Variants in MYO5B observed in about 807,000 individuals in gnomAD.
MYO5B encodes the protein myosin VB, also known as unconventional myosin-Vb.
In MYO5B, 143 loss-of-function variants were observed where a neutral mutation model predicts 229.3. The ratio of observed to expected loss-of-function variants is 0.62; its 90% CI spans 0.54 to 0.72. The LOEUF (loss-of-function observed/expected upper bound fraction) is 0.72, where lower values mean the gene tolerates loss of function less well. Ranked by LOEUF, MYO5B falls within the 30% of genes least tolerant of loss-of-function variation. MYO5B has a pLI of 0.00. For missense variants in MYO5B, 2,321 were observed against 2,331.0 expected, an observed-to-expected ratio of 1.00 and a Z score of 0.09; for synonymous variants, 918 against 885.2, an observed-to-expected ratio of 1.04 and a Z score of -0.66.
intron 1 of MYO5B, among the ~76,000 whole-genome samples, chr18:50,154,185 AAAG>A (rs1276680446): frequency 2.6e-5 from 4 of 152,310 alleles, no homozygotes; most frequent in South Asian, 2.1e-4. Flanking sequence ...TCTGAGAAAG[AAAG>A]AAGGATTGGA....
intron 1 of MYO5B, among the ~76,000 whole-genome samples, chr18:50,061,080 C>T (rs1432212249): frequency 1.3e-5 from 2 of 152,232 alleles, no homozygotes; most frequent in African/African-American, 4.8e-5. Context: ...CCAAAGAGCC[C>T]CAGCTAAAAT....
Position 49,837,759 on chromosome 18 carries a change from A to C in MYO5B, c.4896T>G (p.Gly1632=). 2 of 1,614,200 alleles carry C rather than the reference A, an allele frequency of 1.2e-6. No individual in the cohort carries two copies. Among genetic ancestry groups the C allele is most frequent in the Non-Finnish European group, 1.7e-6 (2 of 1,180,024 alleles). ...GCTTCCGGTAGCCGGTGGGCTTCACACCAGATAGACCCTGAATGCTCTCAT... is the reference window on the plus strand; with the variant it reads ...GCTTCCGGTAGCCGGTGGGCTTCACCCCAGATAGACCCTGAATGCTCTCAT... ...LENESIQGLS[G]VKPTGYRKRS... The change falls in exon 37 of 40, where the codon GGT becomes GGG. Residue 1632 remains glycine, a synonymous_variant. Coordinates refer to ENST00000285039, the MANE Select transcript of MYO5B (RefSeq NM_001080467.3).
At chr18:49,862,860 A>G (rs111497610) in intron 29 of MYO5B, among the ~76,000 whole-genome samples, 2,738 of 151,676 alleles carry the variant, frequency 0.018, 76 homozygotes, top group South Asian at 0.12. Context: ...ATTGCAGCAG[A>G]TGGCTAAGCA....
At chr18:49,951,772 T>C (rs1428798489) in intron 14 of MYO5B, among the ~76,000 whole-genome samples, 1 of 152,208 alleles carries the variant, frequency 6.6e-6, no homozygotes, top group Non-Finnish European at 1.5e-5. Context: ...CCCTATAAGT[T>C]GTCACAGGCC....
chr18:49,945,296 T>C (rs1345894232), intron 14 of MYO5B, among the ~76,000 whole-genome samples: 1 of 152,176 alleles, frequency 6.6e-6, no homozygotes, highest in Non-Finnish European at 1.5e-5. Flanking sequence ...CTCGCTCTTC[T>C]TTCCTCTAGG....
intron 1 of MYO5B, among the ~76,000 whole-genome samples, chr18:50,065,058 C>G (rs1332899473): frequency 1.3e-5 from 2 of 152,222 alleles, no homozygotes; most frequent in Non-Finnish European, 2.9e-5. Flanking sequence ...ATACTTGCAT[C>G]TGGGACTCAA....
chr18:50,100,499 G>A (rs750047006), intron 1 of MYO5B, among the ~76,000 whole-genome samples: 3 of 152,122 alleles, frequency 2.0e-5, no homozygotes, highest in Non-Finnish European at 2.9e-5. Context: ...AGTGAGAAAC[G>A]GCCTGCATGG....
chr18:50,042,156 G>T (rs2030036834), intron 2 of MYO5B, among the ~76,000 whole-genome samples: 1 of 152,118 alleles, frequency 6.6e-6, no homozygotes, highest in African/African-American at 2.4e-5. Flanking sequence ...ACCTAAATCA[G>T]AATTTTTCAT....
At chr18:50,156,246 G>A (rs148353660) in intron 1 of MYO5B, among the ~76,000 whole-genome samples, 170 of 152,270 alleles carry the variant, frequency 1.1e-3, no homozygotes, top group African/African-American at 3.4e-3. Flanking sequence ...TACAGAACAA[G>A]TACAGTAAGA....
At chr18:49,956,478 CAG>C (rs1272958287) in intron 12 of MYO5B, among the ~76,000 whole-genome samples, 3 of 151,848 alleles carry the variant, frequency 2.0e-5, no homozygotes, top group Admixed American at 6.6e-5. Flanking sequence ...TGCCTGACGA[CAG>C]AGTTTTAAAG....
chr18:49,864,229 T>C lies in MYO5B; in HGVS notation c.3755A>G (p.Glu1252Gly). The stretch of plus-strand genomic sequence containing the variant: ...CTCCTCCTTGCGCACCTCGAGCTCC[T>C]CGTGGGCCAGCTTGAGCTGGTTCAG... Reference protein sequence around the residue: ...LLLNQLKLAHEELEVRKEEVL... With the variant: ...LLLNQLKLAHGELEVRKEEVL... Residue 1252 changes from glutamate to glycine, a missense_variant, in exon 28 of 40, where the codon GAG becomes GGG. Around this residue, in one of 2 missense-constraint regions of MYO5B, gnomAD observed 2,113 missense variants for 2,044.7 expected, o/e 1.03. Coordinates refer to ENST00000285039, the MANE Select transcript of MYO5B (RefSeq NM_001080467.3). 6.2e-7 allele frequency: 1 copy of C among 1,614,042 alleles called. No individual in the cohort carries two copies.
chr18:49,838,928 G>C (rs555380965), intron 36 of MYO5B, among the ~76,000 whole-genome samples: 21 of 152,304 alleles, frequency 1.4e-4, no homozygotes, highest in African/African-American at 5.1e-4. Flanking sequence ...AAGAGATAAA[G>C]GGAAAGTCAT....
intron 1 of MYO5B, among the ~76,000 whole-genome samples, chr18:50,085,593 C>T (rs1283893710): frequency 1.3e-5 from 2 of 152,156 alleles, no homozygotes; most frequent in African/African-American, 4.8e-5. Flanking sequence ...ATAAATCATG[C>T]TGCTATAAAG....
intron 17 of MYO5B, among the ~76,000 whole-genome samples, chr18:49,913,557 G>T (rs1316835272): frequency 6.6e-6 from 1 of 152,070 alleles, no homozygotes; most frequent in Non-Finnish European, 1.5e-5. Context: ...CGAGGCATGT[G>T]CTGTCCATAC....
At chr18:50,068,122 T>C (rs530517476) in intron 1 of MYO5B, among the ~76,000 whole-genome samples, 35 of 152,202 alleles carry the variant, frequency 2.3e-4, no homozygotes, top group African/African-American at 7.7e-4. Context: ...TGGGACAACA[T>C]AAGCAAACCC....
At chr18:49,833,764 G>T (rs2023953204) in intron 39 of MYO5B, among the ~76,000 whole-genome samples, 1 of 152,054 alleles carries the variant, frequency 6.6e-6, no homozygotes, top group African/African-American at 2.4e-5. Context: ...CATATAATGG[G>T]TCCAGGTTCA....
intron 7 of MYO5B, among the ~76,000 whole-genome samples, chr18:49,989,076 T>C (rs1194745711): frequency 6.6e-6 from 1 of 152,166 alleles, no homozygotes; most frequent in Non-Finnish European, 1.5e-5. Flanking sequence ...CTCTGCATCA[T>C]AATTGACAAG....
intron 14 of MYO5B, among the ~76,000 whole-genome samples, chr18:49,949,664 AG>A (rs2025412103): frequency 6.6e-6 from 1 of 152,186 alleles, no homozygotes; most frequent in South Asian, 2.1e-4. Context: ...GTCACCCAAC[AG>A]AAAAAAAAAG....
At chr18:50,012,139 G>T (rs1198741258) in intron 4 of MYO5B, among the ~76,000 whole-genome samples, 1 of 152,176 alleles carries the variant, frequency 6.6e-6, no homozygotes, top group Non-Finnish European at 1.5e-5. Flanking sequence ...TGAGGGGTGA[G>T]GCCCAGATAT....
Sources: allele counts gnomAD v4.1 joint callset (sites outside exome capture counted in the v4.1 genomes callset), GRCh38; gene constraint gnomAD v4.1.1; regional missense constraint gnomAD v4.1.1; transcripts MANE v1.5; gene names NCBI Gene and HGNC (gene_info 2026-07-23, HGNC 2026-07-21).